Variants in CBR4 observed in about 807,000 individuals in gnomAD.
CBR4 encodes the protein carbonyl reductase 4, also known as 3-oxoacyl-[acyl-carrier-protein] reductase.
CBR4 carries 22 observed loss-of-function variants against 21.0 expected under a neutral mutation model. The ratio of observed to expected loss-of-function variants is 1.05; its 90% CI spans 0.75 to 1.50. The LOEUF (loss-of-function observed/expected upper bound fraction) is 1.50, where lower values mean the gene tolerates loss of function less well. Ranked by LOEUF, CBR4 falls within the 40% of genes most tolerant of loss-of-function variation. The pLI, the probability that CBR4 is intolerant of heterozygous loss-of-function variation, is 0.00. For synonymous variants in CBR4, 100 were observed against 104.4 expected (o/e 0.96, Z 0.26); for missense variants, 302 against 286.3 (o/e 1.05, Z -0.40).
intron 2 of CBR4, chr4:168,903,633 G>T: frequency 1.3e-6 from 1 of 769,266 alleles, no homozygotes; most frequent in Non-Finnish European, 2.3e-6. Context: ...TCAGGTATTT[G>T]GTTTAACATT....
chr4:168,924,989 G>A lies in CBR4; in HGVS notation n.170-30224C>T, dbSNP rs587780756. On this transcript the variant is annotated intron_variant and non_coding_transcript_variant, in intron 2 of 3. Coordinates refer to the CBR4 transcript ENST00000509108. ...GGCTACATCTGCCTGCTCATTCAGG[G>A]AGCCACAAAAGAAGATGCTGGGTGG... The A allele has an allele frequency of 1.9e-5, 31 of 1,613,954 alleles. No homozygotes were observed. Among genetic ancestry groups the A allele is most frequent in the African/African-American group, 4.0e-5 (3 of 74,888 alleles).
intron 2 of CBR4, among the ~76,000 whole-genome samples, chr4:168,956,602 A>G (rs938711879): frequency 5.0e-4 from 73 of 146,808 alleles, no homozygotes; most frequent in African/African-American, 1.8e-3. Flanking sequence ...TGTCTCAAAA[A>G]AAAAAAAAAA....
intron 2 of CBR4, chr4:168,896,547 A>G (rs928746600): frequency 2.0e-6 from 3 of 1,478,406 alleles, no homozygotes; most frequent in African/African-American, 2.8e-5. Context: ...CTACCATTAC[A>G]GGACATTGGT....
chr4:168,972,941 G>A (rs1412456938), intron 2 of CBR4, among the ~76,000 whole-genome samples: 1 of 152,120 alleles, frequency 6.6e-6, no homozygotes, highest in Non-Finnish European at 1.5e-5. Flanking sequence ...TTACCTTAAG[G>A]TATGTTCCTT....
chr4:168,919,982 T>C (rs921059493), intron 2 of CBR4, among the ~76,000 whole-genome samples: 1 of 152,182 alleles, frequency 6.6e-6, no homozygotes, highest in Non-Finnish European at 1.5e-5. Context: ...AGAGTACGCG[T>C]GCTTTGGGCA....
At chr4:168,975,172 C>T (rs924598261) in intron 2 of CBR4, among the ~76,000 whole-genome samples, 1 of 152,162 alleles carries the variant, frequency 6.6e-6, no homozygotes, top group Non-Finnish European at 1.5e-5. Flanking sequence ...ATTGTTACTG[C>T]CCTTCTGGGT....
intron 2 of CBR4, chr4:168,898,145 C>T (rs964395737): frequency 1.2e-5 from 4 of 325,808 alleles, no homozygotes; most frequent in South Asian, 2.9e-5. Flanking sequence ...ATCAGCGTTC[C>T]ATTATATTTT....
rs1579042119 is a variant in CBR4, at chr4:169,010,180, A to G, written c.-91T>C. 12 of 1,183,616 alleles carry G rather than the reference A, an allele frequency of 1.0e-5. No homozygotes were observed. The highest frequency in any genetic ancestry group is 1.7e-5 in the South Asian group (1 of 58,352). 73.3% of individuals were successfully genotyped at this position (1,183,616 alleles called of 1,614,324 possible). ...CTTTTAAACAACCGCGGTTCCAAAAAAAAAAAAAAGAAAAAAAAAGGCAAA... is the reference window on the plus strand; with the variant it reads ...CTTTTAAACAACCGCGGTTCCAAAAGAAAAAAAAAGAAAAAAAAAGGCAAA... On this transcript the variant is annotated 5_prime_UTR_variant, in exon 1 of 5. Coordinates refer to ENST00000306193, the MANE Select transcript of CBR4 (RefSeq NM_032783.5).
chr4:168,960,208 T>C (rs558077133), intron 2 of CBR4, among the ~76,000 whole-genome samples: 2 of 152,236 alleles, frequency 1.3e-5, no homozygotes, highest in Non-Finnish European at 2.9e-5. Context: ...GGGTAATTTC[T>C]ACATGGAATT....
chr4:169,001,971 A>G, intron 4 of CBR4, 100 bp downstream of exon 4: 1 of 1,127,022 alleles, frequency 8.9e-7, no homozygotes, highest in Non-Finnish European at 1.2e-6. Flanking sequence ...ATCATTTTAC[A>G]AACTATTCTA....
chr4:168,896,458 A>G (rs1755193765), intron 2 of CBR4: 1 of 774,826 alleles, frequency 1.3e-6, no homozygotes, highest in Admixed American at 2.0e-5. Flanking sequence ...TATTGCTAGC[A>G]CAAAAGTTTC....
chr4:168,973,437 C>A (rs1309904075), intron 2 of CBR4, among the ~76,000 whole-genome samples: 1 of 152,214 alleles, frequency 6.6e-6, no homozygotes, highest in Non-Finnish European at 1.5e-5. Flanking sequence ...AAGCAATTCT[C>A]CTGCCTCAGC....
intron 2 of CBR4, among the ~76,000 whole-genome samples, chr4:168,928,699 G>A (rs1762850235): frequency 6.6e-6 from 1 of 152,122 alleles, no homozygotes; most frequent in Admixed American, 6.6e-5. Flanking sequence ...TAGAAGAGAC[G>A]TCTCCTTTAG....
intron 2 of CBR4, chr4:168,903,719 A>C (rs761498636): frequency 1.3e-6 from 2 of 1,553,576 alleles, no homozygotes; most frequent in Non-Finnish European, 1.8e-6. Flanking sequence ...GTAGGAATAC[A>C]CAAACTCCTA....
intron 2 of CBR4, among the ~76,000 whole-genome samples, chr4:168,978,598 C>T (rs1022193434): frequency 6.6e-6 from 1 of 152,192 alleles, no homozygotes. Context: ...ATTTCAGGCT[C>T]TGGAGACCTC....
chr4:168,915,127 AC>A (rs1475506041), intron 2 of CBR4, among the ~76,000 whole-genome samples: 4 of 152,194 alleles, frequency 2.6e-5, no homozygotes, highest in Admixed American at 2.0e-4. Flanking sequence ...AGAAGGGTAA[AC>A]TATATTAAAA....
chr4:168,926,163 T>TA, intron 2 of CBR4: 1 of 1,395,458 alleles, frequency 7.2e-7, no homozygotes. Context: ...TCTAAAGGCT[T>TA]TCCAAGTATA....
intron 2 of CBR4, among the ~76,000 whole-genome samples, chr4:168,951,790 G>C (rs892050906): frequency 2.0e-5 from 3 of 152,178 alleles, no homozygotes; most frequent in Admixed American, 6.5e-5. Flanking sequence ...TCTGCTGTTA[G>C]TCTGATAGGT....
intron 2 of CBR4, among the ~76,000 whole-genome samples, chr4:168,913,458 A>G (rs1759463967): frequency 6.6e-6 from 1 of 152,108 alleles, no homozygotes; most frequent in South Asian, 2.1e-4. Flanking sequence ...TTTAATTAGT[A>G]TATTACTATA....
Sources: allele counts gnomAD v4.1 joint callset (sites outside exome capture counted in the v4.1 genomes callset), GRCh38; gene constraint gnomAD v4.1.1; transcripts MANE v1.5; gene names NCBI Gene and HGNC (gene_info 2026-07-23, HGNC 2026-07-21).